CPA3: variants seen among roughly 807,000 people sequenced by gnomAD.
The protein encoded by CPA3 is carboxypeptidase A3.
In CPA3, 52 loss-of-function variants were observed where a neutral mutation model predicts 55.8. The observed-to-expected ratio is 0.93, with a 90% CI of 0.75 to 1.17. CPA3 has a LOEUF of 1.17. CPA3 is among the 50% of genes most tolerant of loss of function. The probability of loss-of-function intolerance (pLI) is 0.00; values close to 1 mark genes in which losing one functional copy is unlikely to be tolerated. For missense variants in CPA3, 547 were observed against 509.1 expected, an observed-to-expected ratio of 1.07 and a Z score of -0.72; for synonymous variants, 179 against 171.2, an observed-to-expected ratio of 1.05 and a Z score of -0.36.
At chr3:148,889,515 A>G (rs1466942441) in intron 10 of CPA3, among the ~76,000 whole-genome samples, 1 of 152,166 alleles carries the variant, frequency 6.6e-6, no homozygotes, top group African/African-American at 2.4e-5. Flanking sequence ...AAATTTTGAA[A>G]CCAGGGAGAA....
chr3:148,885,512 GCGATTC>G (rs756619365), intron 9 of CPA3, among the ~76,000 whole-genome samples: 2 of 145,488 alleles, frequency 1.4e-5, no homozygotes, highest in Non-Finnish European at 3.0e-5. Flanking sequence ...CCTGGTTCAA[GCGATTC>G]TCCTGCCTCA....
chr3:148,887,601 C>T (rs906943567), intron 10 of CPA3, among the ~76,000 whole-genome samples: 2 of 152,118 alleles, frequency 1.3e-5, no homozygotes, highest in African/African-American at 4.8e-5. Context: ...TGAGTATCAC[C>T]GAAGACAATT....
At chr3:148,892,435 C>T (rs1714696525) in intron 10 of CPA3, among the ~76,000 whole-genome samples, 1 of 152,068 alleles carries the variant, frequency 6.6e-6, no homozygotes. Context: ...GGAGGATCAC[C>T]TGAGAACAGG....
At chr3:148,882,446 A>G in intron 7 of CPA3, 59 bp from the exon 8 acceptor site, 1 of 1,422,586 alleles carries the variant, frequency 7.0e-7, no homozygotes, top group Non-Finnish European at 9.9e-7. Context: ...ATTTGAAATG[A>G]TCAAATTGAA....
intron 10 of CPA3, among the ~76,000 whole-genome samples, chr3:148,894,098 G>C (rs1387762652): frequency 1.3e-5 from 2 of 152,134 alleles, no homozygotes; most frequent in African/African-American, 4.8e-5. Context: ...AATGGATTCA[G>C]TATAAATAAA....
chr3:148,877,106 T>C (rs1038447216), intron 3 of CPA3, among the ~76,000 whole-genome samples: 1 of 152,142 alleles, frequency 6.6e-6, no homozygotes, highest in Non-Finnish European at 1.5e-5. Flanking sequence ...AGCCTAGAGT[T>C]CAGAGGAGAG....
chr3:148,881,458 C>A, intron 6 of CPA3, 64 bp from the exon 7 acceptor site: 2 of 957,024 alleles, frequency 2.1e-6, no homozygotes, highest in Non-Finnish European at 3.3e-6. Context: ...CTATTATAAC[C>A]ACAGCTTTCC....
chr3:148,881,149 C>A (rs1399850669), intron 6 of CPA3, among the ~76,000 whole-genome samples: 2 of 152,166 alleles, frequency 1.3e-5, no homozygotes, highest in Non-Finnish European at 2.9e-5. Context: ...CCTGTGCTTA[C>A]AGACTCTATC....
rs368167272 is a variant in CPA3, at chr3:148,888,758, C to CGT, written c.1066+2590_1066+2591dup. Among the ~76,000 whole-genome samples the CGT allele has an allele frequency of 1.5e-3, 223 of 152,236 alleles. 1 individual carries two copies. Among genetic ancestry groups the CGT allele is most frequent in the African/African-American group, 5.1e-3 (212 of 41,544 alleles). On this transcript the variant is annotated intron_variant, in intron 10 of 10. Transcript: ENST00000296046. ...GCAATTAAAGCATCAAATAATTATC[C>CGT]GTGTGTGTGTATCCACAAAAGTATG...
At position 148,896,570 on chromosome 3, in the gene CPA3, C is replaced by A; in HGVS notation, c.1117C>A (p.His373Asn). 1 of 1,570,006 alleles carries A rather than the reference C, an allele frequency of 6.4e-7. No homozygotes were observed. Among genetic ancestry groups the A allele is most frequent in the Non-Finnish European group, 8.7e-7 (1 of 1,146,752 alleles). ...CTGGGCTTATGACCTGGGCATCAAA[C>A]ACACATTTGCCTTTGAGCTCCGAGA... Reference protein sequence around the residue: ...LDWAYDLGIKHTFAFELRDKG... With the variant: ...LDWAYDLGIKNTFAFELRDKG... Residue 373 changes from histidine (H) to asparagine (N), a missense_variant, in exon 11 of 11, where the codon CAC (histidine) becomes AAC (asparagine). His to Asn is a moderately conservative substitution (Grantham distance 68). Transcript: ENST00000296046.
intron 9 of CPA3, among the ~76,000 whole-genome samples, chr3:148,885,040 C>A (rs995458349): frequency 6.6e-6 from 1 of 152,144 alleles, no homozygotes; most frequent in Non-Finnish European, 1.5e-5. Context: ...GACAATCACT[C>A]TCATAGCACA....
rs770255382 is a variant in CPA3, at chr3:148,886,062, T to C, written c.982-31T>C. On this transcript the variant is annotated intron_variant, in intron 9 of 10. Transcript: ENST00000296046. ...TCCTTGGTATTTACACAGTATCCTA[T>C]TATTTCACTCTAACTTTCCTTTCTC... 30 of 1,465,156 alleles carry C rather than the reference T, an allele frequency of 2.0e-5. No individual in the cohort carries two copies. The Admixed American group carries it at 4.9e-4, about 24-fold the overall frequency. The allele number at this position is 1,465,156 out of a possible 1,614,324, so 90.8% of individuals were successfully genotyped here. A position where few individuals can be genotyped will look rare whatever the true frequency, so the allele number is the denominator to read the frequency against.
chr3:148,893,529 A>C (rs942864809), intron 10 of CPA3, among the ~76,000 whole-genome samples: 1 of 152,208 alleles, frequency 6.6e-6, no homozygotes, highest in Non-Finnish European at 1.5e-5. Flanking sequence ...CTCAGGAACA[A>C]ATGGCATAAT....
At chr3:148,873,311 G>A (rs1426328165) in intron 3 of CPA3, among the ~76,000 whole-genome samples, 1 of 151,126 alleles carries the variant, frequency 6.6e-6, no homozygotes, top group Non-Finnish European at 1.5e-5. Flanking sequence ...CCATTTATAA[G>A]TCACCCTGAC....
Position 148,896,632 on chromosome 3 carries a change from G to C in CPA3, c.1179G>C (p.Arg393=). The C allele has an allele frequency of 1.9e-6, 3 of 1,591,514 alleles. No individual in the cohort carries two copies. Among genetic ancestry groups the C allele is most frequent in the Non-Finnish European group, 2.6e-6 (3 of 1,163,020 alleles). The part of the protein sequence containing the change: ...GKFGFLLPES[R]IKPTCRETML... ...TTGGTTTTCTCCTTCCAGAATCCCG[G>C]ATAAAGCCAACGTGCAGAGAGACCA... The change falls in exon 11 of 11, where the codon CGG becomes CGC. Residue 393 remains arginine (R), a synonymous_variant. Transcript: ENST00000296046.
At chr3:148,879,517 T>C (rs1356544798) in intron 5 of CPA3, among the ~76,000 whole-genome samples, 1 of 152,158 alleles carries the variant, frequency 6.6e-6, no homozygotes, top group African/African-American at 2.4e-5. Flanking sequence ...ATAAAAACAA[T>C]GGACTACAAA....
intron 10 of CPA3, among the ~76,000 whole-genome samples, chr3:148,887,906 G>A (rs1164124281): frequency 4.6e-5 from 7 of 152,160 alleles, no homozygotes; most frequent in Non-Finnish European, 1.0e-4. Flanking sequence ...TTCAAAAGAA[G>A]TGAATGTGAG....
chr3:148,890,186 A>T (rs1312502399), intron 10 of CPA3, among the ~76,000 whole-genome samples: 1 of 152,220 alleles, frequency 6.6e-6, no homozygotes, highest in Non-Finnish European at 1.5e-5. Flanking sequence ...CAATATTGAG[A>T]TGGCACAAAA....
rs146342735 is a variant in CPA3 at position 148,875,134 on chromosome 3, G to C, written c.270-3307G>C. The stretch of plus-strand genomic sequence containing the variant: ...CAGGTCACTCACTGCTTCCTTATTT[G>C]ATAAGATTTATAGTGACGGAAAGAG... On this transcript the variant is annotated intron_variant, in intron 3 of 10. Transcript: ENST00000296046. 3.5e-3 allele frequency among the ~76,000 whole-genome samples: 540 copies of C among 152,214 alleles called. 3 individuals carry two copies. Among genetic ancestry groups the C allele is most frequent in the Middle Eastern group, 0.014 (4 of 294 alleles).
Sources: gnomAD v4.1 joint callset for allele counts (sites outside exome capture counted in the v4.1 genomes callset) on GRCh38, gnomAD v4.1.1 for gene constraint, MANE v1.5 for transcripts, NCBI Gene and HGNC (gene_info 2026-07-23, HGNC 2026-07-21) for gene names.